UROC1: variants seen among roughly 807,000 people sequenced by gnomAD.
UROC1 encodes urocanate hydratase.
A neutral mutation model predicts 89.5 loss-of-function variants in UROC1; 79 were observed. The observed-to-expected ratio is 0.88, with a 90% confidence interval of 0.74 to 1.06. The LOEUF is 1.06. UROC1 is among the 50% of genes least tolerant of loss of function. The pLI, the probability that UROC1 is intolerant of heterozygous loss-of-function variation, is 0.00. For missense variants in UROC1, 885 were observed against 907.8 expected (o/e 0.97, Z 0.32); for synonymous variants, 361 against 354.8 (o/e 1.02, Z -0.20).
intron 1 of UROC1, among the ~76,000 whole-genome samples, chr3:126,515,144 G>C (rs148302714): frequency 3.3e-5 from 5 of 151,922 alleles, no homozygotes; most frequent in Non-Finnish European, 5.9e-5. Flanking sequence ...AAGACACCCC[G>C]GGAGCTGATC....
chr3:126,496,160 GC>G, intron 14 of UROC1, 52 bp from the exon 15 acceptor site: 3 of 1,574,520 alleles, frequency 1.9e-6, no homozygotes, highest in Non-Finnish European at 1.7e-6. Context: ...GCACAGACCT[GC>G]CCTCAGGCAG....
chr3:126,504,766 G>T (rs1378037612), intron 8 of UROC1, among the ~76,000 whole-genome samples: 1 of 152,166 alleles, frequency 6.6e-6, no homozygotes, highest in Non-Finnish European at 1.5e-5. Context: ...GCCAAGCCTT[G>T]CCTCAAGGCT....
intron 18 of UROC1, among the ~76,000 whole-genome samples, chr3:126,485,657 T>C (rs975636496): frequency 2.0e-5 from 3 of 150,862 alleles, no homozygotes; most frequent in African/African-American, 7.3e-5. Flanking sequence ...TCAAACCTCC[T>C]GGGCTCAAGC....
chr3:126,496,068 G>T lies in UROC1; in HGVS notation c.1479C>A (p.Arg493=). Residue 493 remains arginine, a synonymous_variant, in exon 15 of 20, where the codon CGC becomes CGA. Transcript: ENST00000290868. The stretch of plus-strand genomic sequence containing the variant: ...GGTGCCTGGCGGCCTCCCGGATCCA[G>T]CGGATGTTGTCCATGTACTGCAGCT... The part of the protein sequence containing the change: ...SVKLQYMDNI[R]WIREAARHRL... The T allele has an allele frequency of 6.2e-7, 1 of 1,613,486 alleles. No homozygotes were observed. The highest frequency in any genetic ancestry group is 8.5e-7 in the Non-Finnish European group (1 of 1,180,004).
Position 126,510,673 on chromosome 3 carries a change from A to G in UROC1, c.248T>C (p.Ile83Thr). 1 of 1,614,052 alleles carries G rather than the reference A, an allele frequency of 6.2e-7. No individual in the cohort carries two copies. Residue 83 changes from isoleucine (I) to threonine (T), a missense_variant, in exon 2 of 20, where the codon ATT becomes ACT. By Grantham distance (89) the Ile-to-Thr change is moderately conservative (BLOSUM62 -1). Coordinates refer to ENST00000290868, the MANE Select transcript of UROC1 (RefSeq NM_144639.3). ...TACCCACAAGGCTGACCTCATTTCA[A>G]TGTCGGGGCAAAACCGGTACATGTA... ...HIYMYRFCPD[I>T]EMRAYPIEQY...
intron 9 of UROC1, among the ~76,000 whole-genome samples, chr3:126,503,207 G>A (rs1172616325): frequency 6.6e-6 from 1 of 152,218 alleles, no homozygotes; most frequent in Non-Finnish European, 1.5e-5. Flanking sequence ...GGATTGGTAT[G>A]TTAGAATGAT....
chr3:126,482,069 C>A lies in UROC1; in HGVS notation c.*276G>T. 1 of 512,706 alleles carries A rather than the reference C, an allele frequency of 2.0e-6. No homozygotes were observed. 31.8% of individuals were successfully genotyped at this position (512,706 alleles called of 1,614,324 possible). On this transcript the variant is annotated 3_prime_UTR_variant, in exon 20 of 20. Transcript: ENST00000290868. Reference sequence around the variant, plus strand: ...CAGTGTTCACCGCAGGGCCCCCGGGCAGGCTTGGGACTTGGCCCTAAATGG... The same window carrying A: ...CAGTGTTCACCGCAGGGCCCCCGGGAAGGCTTGGGACTTGGCCCTAAATGG...
chr3:126,507,905 C>A, intron 5 of UROC1, 62 bp downstream of exon 5: 1 of 1,612,612 alleles, frequency 6.2e-7, no homozygotes, highest in South Asian at 1.1e-5. Flanking sequence ...GCTTTCTTTC[C>A]AGCGTCTGCA....
chr3:126,505,557 G>C (rs549239856), intron 8 of UROC1, 144 bp downstream of exon 8: 1 of 1,335,022 alleles, frequency 7.5e-7, no homozygotes, highest in Non-Finnish European at 1.0e-6. Flanking sequence ...GTCCAGTGGG[G>C]CTTCGTGGAG....
intron 19 of UROC1, among the ~76,000 whole-genome samples, chr3:126,482,925 C>T (rs529876853): frequency 2.6e-5 from 4 of 152,222 alleles, no homozygotes; most frequent in Admixed American, 2.6e-4. Flanking sequence ...ACCACACCTG[C>T]CCCCAACCCA....
intron 6 of UROC1, among the ~76,000 whole-genome samples, chr3:126,507,076 T>A (rs1019761419): frequency 6.6e-6 from 1 of 152,030 alleles, no homozygotes. Context: ...CAAAACTCCA[T>A]CTCAAAAAGG....
chr3:126,512,186 C>A (rs1016242335), intron 1 of UROC1, among the ~76,000 whole-genome samples: 1 of 152,238 alleles, frequency 6.6e-6, no homozygotes, highest in African/African-American at 2.4e-5. Context: ...CCTGCCAAGG[C>A]CCTGCAACAG....
intron 18 of UROC1, among the ~76,000 whole-genome samples, chr3:126,483,908 T>C (rs1166372089): frequency 1.3e-5 from 2 of 152,248 alleles, no homozygotes; most frequent in Non-Finnish European, 2.9e-5. Flanking sequence ...TTAGAGATGG[T>C]ATCTCACTAT....
intron 1 of UROC1, among the ~76,000 whole-genome samples, chr3:126,514,320 G>A (rs1936254444): frequency 6.6e-6 from 1 of 152,236 alleles, no homozygotes; most frequent in African/African-American, 2.4e-5. Flanking sequence ...CACAGGCGCT[G>A]TGGGTGGGGT....
chr3:126,488,041 G>A (rs565344900), intron 18 of UROC1, among the ~76,000 whole-genome samples, 157 bp downstream of exon 18: 7 of 152,164 alleles, frequency 4.6e-5, no homozygotes, highest in African/African-American at 1.2e-4. Context: ...AACTGTCTCC[G>A]CTCACGCAAG....
intron 15 of UROC1, among the ~76,000 whole-genome samples, chr3:126,493,573 C>T (rs566389331): frequency 1.3e-5 from 2 of 151,958 alleles, no homozygotes; most frequent in Non-Finnish European, 2.9e-5. Flanking sequence ...GTGCCAGGGG[C>T]CGTGGGAGTA....
chr3:126,495,841 T>C (rs1344505216), intron 15 of UROC1, among the ~76,000 whole-genome samples, 197 bp downstream of exon 15: 1 of 152,192 alleles, frequency 6.6e-6, no homozygotes, highest in African/African-American at 2.4e-5. Flanking sequence ...CAGCAGCCCC[T>C]TGGGCTGCTT....
chr3:126,492,651 G>A (rs1935682265), intron 15 of UROC1, 135 bp from the exon 16 acceptor site: 1 of 728,180 alleles, frequency 1.4e-6, no homozygotes, highest in East Asian at 2.7e-5. Context: ...CAAGGTCCAG[G>A]AGGACCCCCA....
At position 126,491,081 on chromosome 3, in the gene UROC1, A is replaced by G. The variant is rs115762727; in HGVS notation, c.1608+1337T>C. Among the ~76,000 whole-genome samples the G allele has an allele frequency of 5.8e-3, 887 of 152,208 alleles. 10 individuals are homozygous for G. The highest frequency in any genetic ancestry group is 0.02 in the African/African-American group (814 of 41,524). On this transcript the variant is annotated intron_variant, in intron 16 of 19. Transcript: ENST00000290868. The stretch of plus-strand genomic sequence containing the variant: ...AAGAGGTCTGCCTTTCCCACCTTCA[A>G]CAGGCCAGGCCTGTTCCCACGTCTT...
Sources: allele counts gnomAD v4.1 joint callset (sites outside exome capture counted in the v4.1 genomes callset), GRCh38; gene constraint gnomAD v4.1.1; transcripts MANE v1.5; gene names NCBI Gene and HGNC (gene_info 2026-07-23, HGNC 2026-07-21).